The following TMEM60 variants were observed in gnomAD, a reference collection of about 807,000 sequenced individuals.
TMEM60 encodes the protein transmembrane protein 60.
In TMEM60, 4 loss-of-function variants were observed where a neutral mutation model predicts 10.7. The observed-to-expected ratio is 0.37, with a 90% CI of 0.18 to 0.86. TMEM60 has a LOEUF of 0.86. Among genes scored for constraint, TMEM60 ranks in the 40% least tolerant of loss-of-function variants. The pLI, the probability that TMEM60 is intolerant of heterozygous loss-of-function variation, is 0.43. For synonymous variants in TMEM60, 56 were observed against 58.1 expected (o/e 0.96, Z 0.17); for missense variants, 128 against 153.4 (o/e 0.83, Z 0.88).
chr7:77,794,444 C>A, intron 1 of TMEM60, 21 bp from the exon 2 acceptor site: 2 of 1,396,146 alleles, frequency 1.4e-6, no homozygotes, highest in South Asian at 2.0e-5. Context: ...GAGAAAAAGT[C>A]AAGATTGTTT....
chr7:77,797,784 C>T (rs1229932211), intron 1 of TMEM60, among the ~76,000 whole-genome samples: 1 of 152,222 alleles, frequency 6.6e-6, no homozygotes, highest in Admixed American at 6.5e-5. Context: ...TTTCCCTTCT[C>T]TCGCCACTGC....
Position 77,793,960 on chromosome 7 carries a change from T to G in TMEM60, c.*12A>C. On this transcript the variant is annotated 3_prime_UTR_variant, in exon 2 of 2. Coordinates refer to ENST00000257663, the MANE Select transcript of TMEM60 (RefSeq NM_032936.4). ...TTGAACAGCAATAGAAAGGAGATGA[T>G]GTACTTAGAAGTCAGTCTCTCACAA... is the stretch of plus-strand genomic sequence containing the variant. 6.5e-7 allele frequency: 1 copy of G among 1,535,372 alleles called. No homozygotes were observed. Among genetic ancestry groups the G allele is most frequent in the Non-Finnish European group, 8.7e-7 (1 of 1,145,208 alleles).
chr7:77,794,955 A>G (rs56677902), intron 1 of TMEM60, among the ~76,000 whole-genome samples: 15,606 of 152,186 alleles, frequency 0.1, 1,131 homozygotes, highest in South Asian at 0.2. Context: ...CAAGAGCTCC[A>G]GACCAGCCAG....
rs1792139569 is a variant in TMEM60 at position 77,793,910 on chromosome 7, T to C, written c.*62A>G. On this transcript the variant is annotated 3_prime_UTR_variant, in exon 2 of 2. Coordinates refer to ENST00000257663, the MANE Select transcript of TMEM60 (RefSeq NM_032936.4). ...TCTGGTATTCTTGAAGCTTGACAGA[T>C]TCAGAACACTTTAATGGTAACTTGT... The C allele has an allele frequency of 2.0e-6, 3 of 1,475,728 alleles. No individual in the cohort carries two copies. The highest frequency in any genetic ancestry group is 2.8e-5 in the African/African-American group (2 of 70,560). 91.4% of individuals were successfully genotyped at this position (1,475,728 alleles called of 1,614,324 possible).
At position 77,797,197 on chromosome 7, in the gene TMEM60, G is replaced by A. The variant is rs143706920; in HGVS notation, c.-51+1057C>T. 9.0e-4 allele frequency among the ~76,000 whole-genome samples: 137 copies of A among 152,260 alleles called. No individual in the cohort carries two copies. In the Middle Eastern group the frequency reaches 0.027, roughly 30 times the overall value. ...ATCCCCACCTCCAATCTATCAGGCC[G>A]TTTTTGTGAACCTCTGAAAAACGGT... On this transcript the variant is annotated intron_variant, in intron 1 of 1. Coordinates refer to ENST00000257663, the MANE Select transcript of TMEM60 (RefSeq NM_032936.4).
chr7:77,794,182 G>C lies in TMEM60; in HGVS notation c.192C>G (p.Gly64=), dbSNP rs746863935. The part of the protein sequence containing the change: ...IVKMAGRCKS[G]FDPRHGSHNI... The stretch of plus-strand genomic sequence containing the variant: ...TGTGTGATCCATGTCGAGGGTCAAA[G>C]CCAGACTTACACCGCCCAGCCATTT... The change falls in exon 2 of 2, where the codon GGC becomes GGG. Residue 64 remains glycine (G), a synonymous_variant. Transcript: ENST00000257663. The C allele has an allele frequency of 3.7e-6, 6 of 1,613,522 alleles. No individual in the cohort carries two copies. The Admixed American group carries it at 6.7e-5, about 18-fold the overall frequency.
chr7:77,797,875 G>C (rs746215941), intron 1 of TMEM60, among the ~76,000 whole-genome samples: 4 of 152,166 alleles, frequency 2.6e-5, no homozygotes, highest in Non-Finnish European at 5.9e-5. Flanking sequence ...TCTTCATAAT[G>C]AGTCGCTTTT....
At chr7:77,796,923 T>A (rs190767595) in intron 1 of TMEM60, among the ~76,000 whole-genome samples, 1 of 152,332 alleles carries the variant, frequency 6.6e-6, no homozygotes, top group Admixed American at 6.5e-5. Flanking sequence ...TTTCAACAGT[T>A]AAGTATTAGT....
At chr7:77,795,092 C>T (rs961676546) in intron 1 of TMEM60, among the ~76,000 whole-genome samples, 1 of 152,072 alleles carries the variant, frequency 6.6e-6, no homozygotes, top group Admixed American at 6.6e-5. Flanking sequence ...AGGTCGAGGC[C>T]GCAGTGAGTG....
At chr7:77,794,578 C>A (rs996764082) in intron 1 of TMEM60, among the ~76,000 whole-genome samples, 155 bp from the exon 2 acceptor site, 2 of 152,142 alleles carry the variant, frequency 1.3e-5, no homozygotes, top group Non-Finnish European at 1.5e-5. Flanking sequence ...ACTTAGTGAT[C>A]ATTGACATTA....
At position 77,795,940 on chromosome 7, in the gene TMEM60, A is replaced by AT. The variant is rs59308242; in HGVS notation, c.-50-1518dup. Among the ~76,000 whole-genome samples the AT allele has an allele frequency of 5.6e-3, 820 of 146,008 alleles. 3 individuals carry two copies. The highest frequency in any genetic ancestry group is 0.014 in the East Asian group (70 of 5,038). ...TCTACTCGTTGTTCTCTTTTCTAGAATTTTTTTTTTTTTTGAGACGGAGTC... is the reference window on the plus strand; with the variant it reads ...TCTACTCGTTGTTCTCTTTTCTAGAATTTTTTTTTTTTTTTGAGACGGAGTC... On this transcript the variant is annotated intron_variant, in intron 1 of 1. Transcript: ENST00000257663.
chr7:77,797,119 G>A lies in TMEM60; in HGVS notation c.-51+1135C>T, dbSNP rs80076402. ...GACTGAATTTGGAAGCAGGGTTGGA[G>A]GGGTGTGTGTTGATTAATAACCATG... is the stretch of plus-strand genomic sequence containing the variant. On this transcript the variant is annotated intron_variant, in intron 1 of 1. Coordinates refer to ENST00000257663, the MANE Select transcript of TMEM60 (RefSeq NM_032936.4). 1.5e-3 allele frequency among the ~76,000 whole-genome samples: 231 copies of A among 152,284 alleles called. 1 individual carries two copies. The highest frequency in any genetic ancestry group is 7.9e-3 in the East Asian group (41 of 5,184).
chr7:77,797,737 C>T (rs1360223463), intron 1 of TMEM60, among the ~76,000 whole-genome samples: 3 of 152,140 alleles, frequency 2.0e-5, no homozygotes, highest in Non-Finnish European at 4.4e-5. Flanking sequence ...TATATAGAGC[C>T]CCACCCACAT....
In TMEM60 at chr7:77,798,346, C is replaced by G. The variant is rs994836086; in HGVS notation, c.-143G>C. 6.6e-6 allele frequency: 1 copy of G among 152,226 alleles called. No individual in the cohort carries two copies. The highest frequency in any genetic ancestry group is 1.5e-5 in the Non-Finnish European group (1 of 68,062). 9.4% of individuals were successfully genotyped at this position (152,226 alleles called of 1,614,324 possible). A position where few individuals can be genotyped will look rare whatever the true frequency, so the allele number is the denominator to read the frequency against. ...TTGTCCTTTTCCGCCCTTTTCCCCC[C>G]ATTAAATCCAGAACCCGTCACATGA... is the stretch of plus-strand genomic sequence containing the variant. On this transcript the variant is annotated 5_prime_UTR_variant, in exon 1 of 2. It removes an upstream start codon present in the reference 5' UTR. Transcript: ENST00000257663.
chr7:77,794,061 T>A lies in TMEM60; in HGVS notation c.313A>T (p.Asn105Tyr), dbSNP rs745605530. 6 of 1,613,570 alleles carry A rather than the reference T, an allele frequency of 3.7e-6. No homozygotes were observed. The East Asian group carries it at 1.3e-4, about 36-fold the overall frequency. The change falls in exon 2 of 2, where the codon AAT becomes TAT. Residue 105 changes from asparagine to tyrosine, a missense_variant. Coordinates refer to ENST00000257663, the MANE Select transcript of TMEM60 (RefSeq NM_032936.4). ...CAKLEQFTTM[N>Y]LSYVFIPLWA... ...AAAGGAATGAAGACATAGGATAGAT[T>A]CATGGTAGTAAACTGTTCCAGTTTA...
chr7:77,793,914 G>A lies in TMEM60; in HGVS notation c.*58C>T. Reference sequence around the variant, plus strand: ...GTATTCTTGAAGCTTGACAGATTCAGAACACTTTAATGGTAACTTGTTGAA... The same window carrying A: ...GTATTCTTGAAGCTTGACAGATTCAAAACACTTTAATGGTAACTTGTTGAA... On this transcript the variant is annotated 3_prime_UTR_variant, in exon 2 of 2. Coordinates refer to ENST00000257663, the MANE Select transcript of TMEM60 (RefSeq NM_032936.4). The A allele has an allele frequency of 6.8e-7, 1 of 1,476,506 alleles. No individual in the cohort carries two copies. Among genetic ancestry groups the A allele is most frequent in the Non-Finnish European group, 9.0e-7 (1 of 1,113,008 alleles). 91.5% of individuals were successfully genotyped at this position (1,476,506 alleles called of 1,614,324 possible).
chr7:77,797,947 A>C (rs1277515507), intron 1 of TMEM60, among the ~76,000 whole-genome samples: 1 of 152,222 alleles, frequency 6.6e-6, no homozygotes, highest in Non-Finnish European at 1.5e-5. Flanking sequence ...AACTTAGCTC[A>C]TCTGGGGGCC....
chr7:77,797,165 T>C (rs6970595), intron 1 of TMEM60, among the ~76,000 whole-genome samples: 64,043 of 151,994 alleles, frequency 0.42, 13,965 homozygotes, highest in African/African-American at 0.52. Flanking sequence ...ATCCCGTAAA[T>C]TGCACAATCC....
At chr7:77,797,280 C>T (rs1184168819) in intron 1 of TMEM60, among the ~76,000 whole-genome samples, 1 of 152,178 alleles carries the variant, frequency 6.6e-6, no homozygotes, top group Admixed American at 6.5e-5. Context: ...ATAAGACAAG[C>T]TTCATTTTTT....
Sources: allele counts gnomAD v4.1 joint callset (sites outside exome capture counted in the v4.1 genomes callset), GRCh38; gene constraint gnomAD v4.1.1; transcripts MANE v1.5; gene names NCBI Gene and HGNC (gene_info 2026-07-23, HGNC 2026-07-21).